Variants in MYBPC1 observed in about 807,000 individuals in gnomAD.
MYBPC1 encodes the protein myosin binding protein C1.
In MYBPC1, 52 loss-of-function variants were observed where a neutral mutation model predicts 147.1. That is an observed-to-expected ratio of 0.35 (90% confidence interval 0.28 to 0.45). The LOEUF (loss-of-function observed/expected upper bound fraction) is 0.45. Ranked by LOEUF, MYBPC1 falls within the 20% of genes least tolerant of loss-of-function variation. The pLI is 1.00. For missense variants in MYBPC1, 1,228 were observed against 1,440.3 expected (o/e 0.85, Z 2.39); for synonymous variants, 477 against 475.9 (o/e 1.00, Z -0.03).
At chr12:101,651,133 A>G in intron 15 of MYBPC1, 98 bp from the exon 16 acceptor site, 1 of 1,299,736 alleles carries the variant, frequency 7.7e-7, no homozygotes, top group East Asian at 2.3e-5. Context: ...TTCAAAACAA[A>G]CATTGTAGTA....
At chr12:101,645,608 T>C (rs1892933431) in intron 12 of MYBPC1, among the ~76,000 whole-genome samples, 1 of 152,234 alleles carries the variant, frequency 6.6e-6, no homozygotes, top group Admixed American at 6.5e-5. Context: ...AACATTAATA[T>C]CTGGTGTAAA....
At chr12:101,613,024 T>C (rs1169880449) in intron 1 of MYBPC1, among the ~76,000 whole-genome samples, 2 of 152,250 alleles carry the variant, frequency 1.3e-5, no homozygotes, top group Non-Finnish European at 2.9e-5. Context: ...TAAGTTTATG[T>C]TTTTTGTCTT....
At chr12:101,692,787 AGAGTATGTTAG>A in the MYBPC1 span, among the ~76,000 whole-genome samples, 1 of 152,204 alleles carries the variant, frequency 6.6e-6, no homozygotes, top group African/African-American at 2.4e-5. Context: ...TTTTGACATT[AGAGTATGTTAG>A]AGTGGGGTAA....
chr12:101,608,559 G>C lies in MYBPC1; in HGVS notation c.26-5937G>C, dbSNP rs550163502. Among the ~76,000 whole-genome samples the C allele has an allele frequency of 2.6e-5, 4 of 152,332 alleles. No individual in the cohort carries two copies. The South Asian group carries it at 8.3e-4, about 32-fold the overall frequency. ...TATCGGTTTGCTTGTTTATGATTTA[G>C]AGAGCTTGCCAAAGGTGGGTGCCTC... On this transcript the variant is annotated intron_variant, in intron 1 of 31. Coordinates refer to ENST00000361466, the MANE Select transcript of MYBPC1 (RefSeq NM_002465.4).
chr12:101,611,847 G>A (rs780003821), intron 1 of MYBPC1, among the ~76,000 whole-genome samples: 45 of 152,160 alleles, frequency 3.0e-4, no homozygotes, highest in Non-Finnish European at 5.9e-4. Flanking sequence ...GGGAGGCTGA[G>A]GCAGGTGGAT....
the MYBPC1 span, among the ~76,000 whole-genome samples, chr12:101,692,977 T>C: frequency 2.0e-5 from 3 of 147,940 alleles, no homozygotes; most frequent in Non-Finnish European, 3.0e-5. Flanking sequence ...GACGGAGTCT[T>C]GCTCTGTCGC....
In MYBPC1 at chr12:101,659,975, C is replaced by G. The variant is rs12372616; in HGVS notation, c.1927+144C>G. ...TTTTTTTCTTGCCTAGAGGACTTAT[C>G]ATTGGAGAAAGAAGAGCTAAGGTCA... On this transcript the variant is annotated intron_variant, in intron 19 of 31. Coordinates refer to ENST00000361466, the MANE Select transcript of MYBPC1 (RefSeq NM_002465.4). 277,716 of 1,087,426 alleles carry G rather than the reference C, an allele frequency of 0.26. 37,805 individuals carry two copies. Among genetic ancestry groups the G allele is most frequent in the Middle Eastern group, 0.32 (1,451 of 4,576 alleles). The allele number at this position is 1,087,426 out of a possible 1,614,324, so 67.4% of individuals were successfully genotyped here. A position where few individuals can be genotyped will look rare whatever the true frequency, so the allele number is the denominator to read the frequency against.
chr12:101,595,606 GT>G (rs1003157359), intron 1 of MYBPC1, among the ~76,000 whole-genome samples: 127 of 151,636 alleles, frequency 8.4e-4, no homozygotes, highest in African/African-American at 3.0e-3. Context: ...CAGACGAAGG[GT>G]TTTTTTTGTT....
rs745325597 is a variant in MYBPC1, at chr12:101,673,598, G to A, written c.2785G>A (p.Ala929Thr). 13 of 1,613,998 alleles carry A rather than the reference G, an allele frequency of 8.1e-6. No homozygotes were observed. Among genetic ancestry groups the A allele is most frequent in the South Asian group, 1.1e-5 (1 of 91,086 alleles). The stretch of plus-strand genomic sequence containing the variant: ...CAAAGTGGACAAATTCGTGGAGACC[G>A]CATCAATTGACATCCAGATCATTGG... Reference protein sequence around the residue: ...QVKVDKFVETASIDIQIIDRP... With the variant: ...QVKVDKFVETTSIDIQIIDRP... Residue 929 changes from alanine to threonine, a missense_variant, in exon 25 of 32, where the codon GCA (alanine) becomes ACA (threonine). Transcript: ENST00000361466.
chr12:101,630,018 C>T (rs1005357875), intron 6 of MYBPC1, among the ~76,000 whole-genome samples: 2 of 152,158 alleles, frequency 1.3e-5, no homozygotes, highest in Non-Finnish European at 2.9e-5. Context: ...CCCAAAAAGA[C>T]CCTATATTCC....
chr12:101,640,013 T>G (rs1891713358), intron 10 of MYBPC1, among the ~76,000 whole-genome samples: 1 of 152,004 alleles, frequency 6.6e-6, no homozygotes, highest in Non-Finnish European at 1.5e-5. Flanking sequence ...TACATATACA[T>G]CTTTTTTGGG....
chr12:101,677,443 A>G lies in MYBPC1; in HGVS notation c.3109+49A>G, dbSNP rs772521342. On this transcript the variant is annotated intron_variant, in intron 27 of 31. Coordinates refer to ENST00000361466, the MANE Select transcript of MYBPC1 (RefSeq NM_002465.4). ...TTGAAAACCTTGGTTGACAGTGACC[A>G]GACAGAGAAGACTGGAAAAAGAGAT... is the stretch of plus-strand genomic sequence containing the variant. 2.5e-6 allele frequency: 4 copies of G among 1,602,946 alleles called. No individual in the cohort carries two copies. The Admixed American group carries it at 5.0e-5, about 20-fold the overall frequency.
In MYBPC1 at chr12:101,631,689, G is replaced by A. The variant is rs1231561926; in HGVS notation, c.408G>A (p.Gln136=). 6.2e-7 allele frequency: 1 copy of A among 1,614,212 alleles called. No individual in the cohort carries two copies. The highest frequency in any genetic ancestry group is 1.1e-5 in the South Asian group (1 of 91,082). Residue 136 remains glutamine, a synonymous_variant, in exon 7 of 32, where the codon CAG becomes CAA. Transcript: ENST00000361466. ...CCAGCAAAGCCGGGAAGCACCTTCA[G>A]CTGAAGGAAACCTTTGAGAGGCACA... The part of the protein sequence containing the change: ...DLASKAGKHL[Q]LKETFERHSR...
At chr12:101,666,927 A>ACACACG in intron 22 of MYBPC1, 1 of 313,854 alleles carries the variant, frequency 3.2e-6, no homozygotes, top group South Asian at 4.3e-5. Flanking sequence ...ACACACACAC[A>ACACACG]CATACACACA....
rs541466599 is a variant in MYBPC1 at position 101,597,758 on chromosome 12, T to C, written c.25+2663T>C. 9.8e-5 allele frequency among the ~76,000 whole-genome samples: 15 copies of C among 152,342 alleles called. No homozygotes were observed. In the South Asian group the frequency reaches 2.1e-3, roughly 21 times the overall value. On this transcript the variant is annotated intron_variant, in intron 1 of 31. Transcript: ENST00000361466. ...CATCAATTGTATATTATGTATTCTT[T>C]GGAGAACTATGTTATTTGTACTGTC...
rs10860763 is a variant in MYBPC1 at position 101,663,223 on chromosome 12, C to A, written c.2222-203C>A. Among the ~76,000 whole-genome samples, 138,826 of 152,230 alleles carry A rather than the reference C, an allele frequency of 0.91. 63,595 individuals carry two copies. Among genetic ancestry groups the A allele is most frequent in the East Asian group, 1 (5,159 of 5,180 alleles). ...CCGGCTTCTCAATTTGGAAAAAAAT[C>A]CATGACAGCATTTCCAAAATTCTCA... On this transcript the variant is annotated intron_variant, in intron 21 of 31. Coordinates refer to ENST00000361466, the MANE Select transcript of MYBPC1 (RefSeq NM_002465.4).
intron 18 of MYBPC1, among the ~76,000 whole-genome samples, chr12:101,656,923 T>G (rs2136366153): frequency 6.6e-6 from 1 of 152,254 alleles, no homozygotes; most frequent in African/African-American, 2.4e-5. Context: ...ACATAGCATA[T>G]TCACCAAAAT....
intron 18 of MYBPC1, among the ~76,000 whole-genome samples, chr12:101,654,804 A>C (rs1364041837): frequency 6.6e-6 from 1 of 152,214 alleles, no homozygotes; most frequent in Non-Finnish European, 1.5e-5. Context: ...CAGTGCATTG[A>C]GTAGAGTACT....
Position 101,667,847 on chromosome 12 carries a change from T to C in MYBPC1, c.2472T>C (p.Gly824=), listed in dbSNP as rs532233629. The C allele has an allele frequency of 1.2e-6, 2 of 1,614,192 alleles. No homozygotes were observed. The highest frequency in any genetic ancestry group is 2.2e-5 in the East Asian group (1 of 44,882). The change falls in exon 23 of 32, where the codon GGT becomes GGC. Residue 824 remains glycine, a synonymous_variant. Transcript: ENST00000361466. ...GTGTGAAGGCTGTTAATGCAGCTGG[T>C]GCCAGCGAGCCCAAGTACTATTCTC... ...FVRVKAVNAA[G]ASEPKYYSQP...
Sources: gnomAD v4.1 joint callset for allele counts (sites outside exome capture counted in the v4.1 genomes callset) on GRCh38, gnomAD v4.1.1 for gene constraint, MANE v1.5 for transcripts, NCBI Gene and HGNC (gene_info 2026-07-23, HGNC 2026-07-21) for gene names.